MSH4: variants seen among roughly 807,000 people sequenced by gnomAD.
MSH4 encodes the protein mutS homolog 4.
In MSH4, 106 loss-of-function variants were observed where a neutral mutation model predicts 113.7. The ratio of observed to expected loss-of-function variants is 0.93; its 90% CI spans 0.80 to 1.10. The LOEUF (loss-of-function observed/expected upper bound fraction) is 1.10, where lower values mean the gene tolerates loss of function less well. Among genes scored for constraint, MSH4 ranks in the 50% least tolerant of loss-of-function variants. The pLI is 0.00. For synonymous variants in MSH4, 368 were observed against 380.2 expected (o/e 0.97, Z 0.37); for missense variants, 1,061 against 1,093.7 (o/e 0.97, Z 0.42).
rs150247111 is a variant in MSH4 at position 75,851,757 on chromosome 1, G to T, written c.1230+3481G>T. Among the ~76,000 whole-genome samples, 351 of 152,210 alleles carry T rather than the reference G, an allele frequency of 2.3e-3. 1 individual carries two copies. Among genetic ancestry groups the T allele is most frequent in the Admixed American group, 4.0e-3 (61 of 15,288 alleles). On this transcript the variant is annotated intron_variant, in intron 8 of 19. Coordinates refer to ENST00000263187, the MANE Select transcript of MSH4 (RefSeq NM_002440.4). Reference sequence around the variant, plus strand: ...ATAATACTTTACATATGATATAAGAGCCTTGCACTAGTATACCATCATTTC... The same window carrying T: ...ATAATACTTTACATATGATATAAGATCCTTGCACTAGTATACCATCATTTC...
chr1:75,905,151 T>G (rs183881902), intron 19 of MSH4, among the ~76,000 whole-genome samples: 5 of 151,962 alleles, frequency 3.3e-5, no homozygotes, highest in South Asian at 4.2e-4. Context: ...TGTTGTTGTT[T>G]TTTTTTAAAT....
Position 75,848,272 on chromosome 1 carries a change from A to T in MSH4, c.1226A>T (p.Asp409Val). 1 of 1,595,898 alleles carries T rather than the reference A, an allele frequency of 6.3e-7. No homozygotes were observed. The highest frequency in any genetic ancestry group is 8.6e-7 in the Non-Finnish European group (1 of 1,164,716). The change falls in exon 8 of 20, where the codon GAC becomes GTC. Residue 409 changes from aspartate to valine, a missense_variant. Asp to Val is a radical substitution (Grantham distance 152). Coordinates refer to ENST00000263187, the MANE Select transcript of MSH4 (RefSeq NM_002440.4). ...GTTTTAGTCCAAATTCCAAAGCAAG[A>T]CACGGTATGTTTTTGTATACATTTT... ...LSVLVQIPKQ[D>V]TVNAAESKIT...
intron 2 of MSH4, among the ~76,000 whole-genome samples, chr1:75,805,830 T>C (rs1650047677): frequency 6.6e-6 from 1 of 152,178 alleles, no homozygotes; most frequent in African/African-American, 2.4e-5. Context: ...TTTATTATGA[T>C]TATTGGCTAA....
In MSH4 at chr1:75,878,198, AG is replaced by A. The variant is rs1382203050; in HGVS notation, c.1421del (p.Arg474AsnfsTer3). ...KIKTVINDDARYMKGCLNMRT... is the reference protein window; with the variant it reads ...KIKTVINDDAXYMKGCLNMRT... ...TAAAACAGTAATTAATGATGATGCA[AG>A]ATACATGAAAGGATGCCTAAACATG... On this transcript the variant is annotated frameshift_variant, in exon 11 of 20. Coordinates refer to ENST00000263187, the MANE Select transcript of MSH4 (RefSeq NM_002440.4). LOFTEE classifies it high-confidence loss of function. The A allele has an allele frequency of 1.2e-6, 2 of 1,608,788 alleles. No individual in the cohort carries two copies. Among genetic ancestry groups the A allele is most frequent in the Non-Finnish European group, 1.7e-6 (2 of 1,178,162 alleles).
At chr1:75,875,271 T>G (rs1651794755) in intron 9 of MSH4, among the ~76,000 whole-genome samples, 1 of 152,188 alleles carries the variant, frequency 6.6e-6, no homozygotes, top group Admixed American at 6.5e-5. Context: ...AAAATGGTTC[T>G]GATTCAAGGT....
At chr1:75,836,640 A>G (rs1181293600) in intron 7 of MSH4, among the ~76,000 whole-genome samples, 1 of 152,108 alleles carries the variant, frequency 6.6e-6, no homozygotes, top group Non-Finnish European at 1.5e-5. Flanking sequence ...TAGTTCTCTT[A>G]TTTGAATAAG....
At chr1:75,885,059 G>GTATATATATATATATATATA (rs1198722667) in intron 15 of MSH4, among the ~76,000 whole-genome samples, 40 of 112,544 alleles carry the variant, frequency 3.6e-4, no homozygotes, top group African/African-American at 1.4e-3. Flanking sequence ...GTGTGTGTGT[G>GTATATATATATATATATATA]TATATATATA....
intron 4 of MSH4, among the ~76,000 whole-genome samples, chr1:75,813,973 T>C (rs748096333): frequency 6.6e-6 from 1 of 152,194 alleles, no homozygotes; most frequent in Non-Finnish European, 1.5e-5. Context: ...GAAAAGTTAC[T>C]TGACTTTTCA....
At chr1:75,878,388 T>C (rs1651860486) in intron 11 of MSH4, 70 bp downstream of exon 11, 1 of 1,206,500 alleles carries the variant, frequency 8.3e-7, no homozygotes, top group African/African-American at 1.6e-5. Flanking sequence ...TGTCCTTTTT[T>C]GCTGCTGATG....
chr1:75,892,067 A>C (rs5745512), intron 17 of MSH4, among the ~76,000 whole-genome samples: 73,304 of 151,942 alleles, frequency 0.48, 18,254 homozygotes, highest in African/African-American at 0.59. Context: ...AGATTGCCCT[A>C]CCTAATGTGG....
At chr1:75,896,993 G>T (rs1271317845) in intron 17 of MSH4, among the ~76,000 whole-genome samples, 1 of 151,894 alleles carries the variant, frequency 6.6e-6, no homozygotes, top group Non-Finnish European at 1.5e-5. Flanking sequence ...TCCTTCCCTT[G>T]CTTTTCACTT....
At chr1:75,850,189 C>A (rs945643009) in intron 8 of MSH4, among the ~76,000 whole-genome samples, 5 of 152,018 alleles carry the variant, frequency 3.3e-5, no homozygotes, top group Non-Finnish European at 5.9e-5. Context: ...TTTTATCACT[C>A]TTCTGCTTAC....
chr1:75,817,995 A>G (rs1366724642), intron 6 of MSH4, among the ~76,000 whole-genome samples: 1 of 152,188 alleles, frequency 6.6e-6, no homozygotes, highest in African/African-American at 2.4e-5. Flanking sequence ...TCTAGCCTTC[A>G]GAGTATATAC....
chr1:75,841,943 A>G (rs1316544982), intron 7 of MSH4, among the ~76,000 whole-genome samples: 1 of 152,208 alleles, frequency 6.6e-6, no homozygotes, highest in Non-Finnish European at 1.5e-5. Flanking sequence ...ATATTTGAAG[A>G]GATTTATTTT....
chr1:75,874,468 A>G (rs1220798123), intron 9 of MSH4, among the ~76,000 whole-genome samples: 1 of 152,038 alleles, frequency 6.6e-6, no homozygotes, highest in Non-Finnish European at 1.5e-5. Context: ...GAGTACAGGC[A>G]TATGTCACTA....
intron 9 of MSH4, among the ~76,000 whole-genome samples, chr1:75,869,786 C>T (rs1382721887): frequency 6.6e-6 from 1 of 152,194 alleles, no homozygotes; most frequent in African/African-American, 2.4e-5. Flanking sequence ...AAGTCTTCTT[C>T]AGGGACGGGA....
chr1:75,876,385 ACCATTG>A (rs1163078581), intron 9 of MSH4, among the ~76,000 whole-genome samples: 2 of 152,068 alleles, frequency 1.3e-5, no homozygotes, highest in African/African-American at 4.8e-5. Flanking sequence ...AAAAGTTATC[ACCATTG>A]CTTCATATCA....
At chr1:75,857,181 G>T (rs1041361772) in intron 8 of MSH4, among the ~76,000 whole-genome samples, 7 of 152,098 alleles carry the variant, frequency 4.6e-5, no homozygotes, top group African/African-American at 1.2e-4. Flanking sequence ...CTAGATTCTG[G>T]ATGTTAGCCT....
At position 75,808,480 on chromosome 1, in the gene MSH4, T is replaced by C. The variant is rs369511750; in HGVS notation, c.588+1339T>C. On this transcript the variant is annotated intron_variant, in intron 3 of 19. Transcript: ENST00000263187. Reference sequence around the variant, plus strand: ...TTATATGTTTCTCAAATAAATCCCCTTTTAAAAATGCAAATCAATGTCTTA... The same window carrying C: ...TTATATGTTTCTCAAATAAATCCCCCTTTAAAAATGCAAATCAATGTCTTA... Among the ~76,000 whole-genome samples, 60 of 152,314 alleles carry C rather than the reference T, an allele frequency of 3.9e-4. 1 individual carries two copies. Among genetic ancestry groups the C allele is most frequent in the African/African-American group, 1.4e-3 (59 of 41,580 alleles).
Sources: allele counts gnomAD v4.1 joint callset (sites outside exome capture counted in the v4.1 genomes callset), GRCh38; gene constraint gnomAD v4.1.1; transcripts MANE v1.5; gene names NCBI Gene and HGNC (gene_info 2026-07-23, HGNC 2026-07-21).